Variants in ATF7IP observed in about 807,000 individuals in gnomAD.
ATF7IP encodes activating transcription factor 7 interacting protein.
A neutral mutation model predicts 106.4 loss-of-function variants in ATF7IP; 23 were observed. That is an observed-to-expected ratio of 0.22 (90% CI 0.16 to 0.31). The LOEUF (loss-of-function observed/expected upper bound fraction) is 0.31. Ranked by LOEUF, ATF7IP falls within the 10% of genes least tolerant of loss-of-function variation. The pLI, the probability that ATF7IP is intolerant of heterozygous loss-of-function variation, is 1.00. For missense variants in ATF7IP, 1,334 were observed against 1,524.3 expected (o/e 0.88, Z 2.08); for synonymous variants, 542 against 539.0 (o/e 1.01, Z -0.08).
intron 1 of ATF7IP, among the ~76,000 whole-genome samples, chr12:14,401,839 G>T (rs996277628): frequency 6.7e-6 from 1 of 148,434 alleles, no homozygotes; most frequent in African/African-American, 2.5e-5. Flanking sequence ...TCAGCCTCCC[G>T]AGTAGCTGGG....
At chr12:14,412,707 T>C (rs1277956390) in intron 1 of ATF7IP, among the ~76,000 whole-genome samples, 2 of 150,922 alleles carry the variant, frequency 1.3e-5, no homozygotes, top group African/African-American at 4.9e-5. Flanking sequence ...AGTTCTTTCT[T>C]TTTTTTTTAA....
At chr12:14,417,252 A>T (rs1263100231) in intron 1 of ATF7IP, among the ~76,000 whole-genome samples, 2 of 152,202 alleles carry the variant, frequency 1.3e-5, no homozygotes, top group Non-Finnish European at 2.9e-5. Context: ...AGTTAAGGAG[A>T]AAAGGATGTA....
chr12:14,421,938 C>G (rs1403576408), intron 1 of ATF7IP, among the ~76,000 whole-genome samples: 1 of 151,894 alleles, frequency 6.6e-6, no homozygotes, highest in African/African-American at 2.4e-5. Flanking sequence ...AAACCTACTT[C>G]TAAATAAGTC....
At chr12:14,437,763 A>G (rs1002296920) in intron 4 of ATF7IP, among the ~76,000 whole-genome samples, 2 of 152,226 alleles carry the variant, frequency 1.3e-5, no homozygotes, top group Non-Finnish European at 2.9e-5. Context: ...GTACTTAAGA[A>G]TATTTACTGG....
chr12:14,452,774 A>G (rs1461675043), intron 6 of ATF7IP, among the ~76,000 whole-genome samples: 1 of 151,900 alleles, frequency 6.6e-6, no homozygotes, highest in Non-Finnish European at 1.5e-5. Context: ...AGGATTCTGT[A>G]TTTTTCTCCT....
At chr12:14,369,786 T>C (rs538280032) in intron 1 of ATF7IP, among the ~76,000 whole-genome samples, 3 of 138,212 alleles carry the variant, frequency 2.2e-5, no homozygotes, top group Admixed American at 1.4e-4. Context: ...TTTCCAGATA[T>C]CTAGTTTCCA....
chr12:14,389,530 C>A (rs1591774864), intron 1 of ATF7IP, among the ~76,000 whole-genome samples: 1 of 152,170 alleles, frequency 6.6e-6, no homozygotes, highest in South Asian at 2.1e-4. Flanking sequence ...ACAGTAAATT[C>A]TCTTTGAAAA....
chr12:14,442,167 C>T (rs1323658751), intron 5 of ATF7IP, among the ~76,000 whole-genome samples: 1 of 151,826 alleles, frequency 6.6e-6, no homozygotes, highest in Non-Finnish European at 1.5e-5. Flanking sequence ...GTTTCTCTTC[C>T]TATATATATT....
intron 1 of ATF7IP, among the ~76,000 whole-genome samples, chr12:14,418,220 A>G (rs967679852): frequency 2.0e-5 from 3 of 152,132 alleles, no homozygotes; most frequent in African/African-American, 7.2e-5. Context: ...TTCTATAGAA[A>G]AAGGTTTTAT....
At chr12:14,480,931 AC>A in intron 12 of ATF7IP, 71 bp from the exon 13 acceptor site, 2 of 1,325,272 alleles carry the variant, frequency 1.5e-6, no homozygotes, top group South Asian at 2.6e-5. Flanking sequence ...TGCAAAGATA[AC>A]TGCCATTTAA....
intron 1 of ATF7IP, among the ~76,000 whole-genome samples, chr12:14,415,582 C>T (rs573331119): frequency 1.3e-5 from 2 of 151,944 alleles, no homozygotes; most frequent in Non-Finnish European, 2.9e-5. Context: ...ACATTTTGGT[C>T]GGTGACAGGC....
intron 9 of ATF7IP, among the ~76,000 whole-genome samples, chr12:14,463,975 G>A (rs1468802774): frequency 6.6e-6 from 1 of 152,070 alleles, no homozygotes; most frequent in African/African-American, 2.4e-5. Flanking sequence ...CATATACAAT[G>A]TACTCTCTCA....
At chr12:14,454,400 G>A (rs1943343782) in intron 6 of ATF7IP, among the ~76,000 whole-genome samples, 1 of 152,142 alleles carries the variant, frequency 6.6e-6, no homozygotes, top group Non-Finnish European at 1.5e-5. Flanking sequence ...GAGGCTCACA[G>A]GCATCCGAAG....
intron 9 of ATF7IP, among the ~76,000 whole-genome samples, chr12:14,465,283 A>G (rs1943786843): frequency 6.6e-6 from 1 of 152,120 alleles, no homozygotes; most frequent in Non-Finnish European, 1.5e-5. Context: ...TTCCTCATCT[A>G]CTTTTTATGT....
intron 6 of ATF7IP, among the ~76,000 whole-genome samples, chr12:14,452,274 G>C (rs934150258): frequency 6.6e-6 from 1 of 152,064 alleles, no homozygotes; most frequent in African/African-American, 2.4e-5. Flanking sequence ...CATATAGTTG[G>C]ATCTTATTTT....
At chr12:14,369,439 C>G (rs1238493155) in intron 1 of ATF7IP, 1 of 152,196 alleles carries the variant, frequency 6.6e-6, no homozygotes, top group Admixed American at 6.5e-5. Flanking sequence ...ACTGTAACCT[C>G]TTCTTGGGTT....
chr12:14,389,740 G>A (rs1939443537), intron 1 of ATF7IP, among the ~76,000 whole-genome samples: 1 of 152,092 alleles, frequency 6.6e-6, no homozygotes, highest in Non-Finnish European at 1.5e-5. Context: ...CAATTCTCCT[G>A]CCTCAGCCTC....
At position 14,418,214 on chromosome 12, in the gene ATF7IP, A is replaced by G. The variant is rs181182108; in HGVS notation, c.-7-5695A>G. On this transcript the variant is annotated intron_variant, in intron 1 of 14. Coordinates refer to ENST00000261168, the MANE Select transcript of ATF7IP (RefSeq NM_018179.5). ...TCTGGTTATTTAAATATAAATTTCTATAGAAAAAGGTTTTATTAGTGATAT... is the reference window on the plus strand; with the variant it reads ...TCTGGTTATTTAAATATAAATTTCTGTAGAAAAAGGTTTTATTAGTGATAT... Among the ~76,000 whole-genome samples, 80 of 152,190 alleles carry G rather than the reference A, an allele frequency of 5.3e-4. 1 individual carries two copies. Among genetic ancestry groups the G allele is most frequent in the South Asian group, 3.5e-3 (17 of 4,824 alleles).
intron 12 of ATF7IP, among the ~76,000 whole-genome samples, chr12:14,480,704 A>G (rs1388132502): frequency 6.6e-6 from 1 of 152,086 alleles, no homozygotes; most frequent in African/African-American, 2.4e-5. Context: ...GTGGCATCAT[A>G]CTCTTAATTC....
Sources: allele counts gnomAD v4.1 joint callset (sites outside exome capture counted in the v4.1 genomes callset), GRCh38; gene constraint gnomAD v4.1.1; transcripts MANE v1.5; gene names NCBI Gene and HGNC (gene_info 2026-07-23, HGNC 2026-07-21).